Variants in ZNF469 observed in about 807,000 individuals in gnomAD.
ZNF469 encodes the protein zinc finger protein 469.
Under a neutral mutation model 1.0 loss-of-function variants are expected in ZNF469, and 1 was observed. That is an observed-to-expected ratio of 1.00 (90% confidence interval 0.35 to 4.73). The LOEUF (loss-of-function observed/expected upper bound fraction) is 4.73, where lower values mean the gene tolerates loss of function less well. Ranked by LOEUF, ZNF469 falls within the 30% of genes most tolerant of loss-of-function variation. ZNF469 has a pLI of 0.16. For missense variants in ZNF469, 6,100 were observed against 5,356.3 expected, an observed-to-expected ratio of 1.14 and a Z score of -4.33; for synonymous variants, 2,703 against 2,363.4, an observed-to-expected ratio of 1.14 and a Z score of -4.17.
At chr16:88,374,420 G>A in the ZNF469 span, among the ~76,000 whole-genome samples, 2 of 152,188 alleles carry the variant, frequency 1.3e-5, no homozygotes, top group African/African-American at 4.8e-5. Flanking sequence ...AGCTCAGGGT[G>A]GCCTGAGTCG....
At chr16:88,276,622 G>T in the ZNF469 span, 9 of 152,218 alleles carry the variant, frequency 5.9e-5, no homozygotes, top group Non-Finnish European at 1.3e-4. Flanking sequence ...TTCGCGTCAC[G>T]TCCTGCCTTT....
chr16:88,312,146 G>A, the ZNF469 span, among the ~76,000 whole-genome samples: 3 of 151,908 alleles, frequency 2.0e-5, no homozygotes, highest in African/African-American at 7.3e-5. Context: ...GACTTCTTCA[G>A]TACCATGAGA....
the ZNF469 span, among the ~76,000 whole-genome samples, chr16:88,112,778 T>A: frequency 7.6e-6 from 1 of 132,352 alleles, no homozygotes; most frequent in African/African-American, 3.0e-5. Flanking sequence ...GAAGCTTTTT[T>A]TTTTTTTTTT....
chr16:88,271,828 G>A, the ZNF469 span, among the ~76,000 whole-genome samples: 1,053 of 132,020 alleles, frequency 8.0e-3, 9 homozygotes, highest in African/African-American at 0.025. Context: ...GATGGATGGT[G>A]GGTGGTTGGG....
At chr16:88,406,112 G>A (rs1470948156) in intron 1 of ZNF469, among the ~76,000 whole-genome samples, 1 of 152,230 alleles carries the variant, frequency 6.6e-6, no homozygotes, top group African/African-American at 2.4e-5. Context: ...GCCACCACGA[G>A]CCACCGTGTC....
At chr16:88,173,740 A>G in the ZNF469 span, among the ~76,000 whole-genome samples, 1 of 152,202 alleles carries the variant, frequency 6.6e-6, no homozygotes, top group Non-Finnish European at 1.5e-5. Flanking sequence ...TGATTCCTAC[A>G]CTCTATGTGA....
the ZNF469 span, among the ~76,000 whole-genome samples, chr16:88,109,842 C>T: frequency 3.9e-5 from 6 of 152,266 alleles, no homozygotes; most frequent in East Asian, 3.9e-4. Context: ...TCTGTGTCCA[C>T]GCTGTCTCCT....
the ZNF469 span, among the ~76,000 whole-genome samples, chr16:88,323,004 C>A: frequency 6.6e-6 from 1 of 152,222 alleles, no homozygotes; most frequent in African/African-American, 2.4e-5. Context: ...ACTCATGCCA[C>A]CCAGCCACGG....
At chr16:88,221,937 G>A in the ZNF469 span, among the ~76,000 whole-genome samples, 1 of 152,044 alleles carries the variant, frequency 6.6e-6, no homozygotes, top group Non-Finnish European at 1.5e-5. Flanking sequence ...CAATCTCATC[G>A]CTACATCCTT....
intron 1 of ZNF469, among the ~76,000 whole-genome samples, chr16:88,385,228 C>T (rs1171847325): frequency 6.6e-6 from 1 of 152,108 alleles, no homozygotes; most frequent in Non-Finnish European, 1.5e-5. Context: ...CTCCTTTCTC[C>T]TGGAGTCTTG....
At position 88,438,778 on chromosome 16, in the gene ZNF469, T is replaced by C. The variant is rs1373675155; in HGVS notation, c.11308T>C (p.Phe3770Leu). The change falls in exon 3 of 3, where the codon TTC becomes CTC. Residue 3770 changes from phenylalanine to leucine, a missense_variant. Physicochemically the swap from Phe to Leu is conservative, Grantham distance 22. Transcript: ENST00000565624. The stretch of plus-strand genomic sequence containing the variant: ...AGCCACCACCCCAGCCAAGCCCAGC[T>C]TCCCCAGCCGGAGCCCTGCACCAGA... ...ETATTPAKPSFPSRSPAPERL... is the reference protein window; with the variant it reads ...ETATTPAKPSLPSRSPAPERL... The C allele has an allele frequency of 1.3e-6, 2 of 1,550,036 alleles. No homozygotes were observed. The highest frequency in any genetic ancestry group is 2.4e-5 in the South Asian group (2 of 84,022).
Position 88,436,860 on chromosome 16 carries a change from G to T in ZNF469, c.9390G>T (p.Leu3130=). The change falls in exon 3 of 3, where the codon CTG becomes CTT. Residue 3130 remains leucine, a synonymous_variant. Coordinates refer to ENST00000565624, the MANE Select transcript of ZNF469 (RefSeq NM_001367624.2). ...AGCGCTTCCGCAGCCTGGGCGAGCT[G>T]GACCTGCACAAGCTGGCCCACACGC... is the stretch of plus-strand genomic sequence containing the variant. ...CFQRFRSLGE[L]DLHKLAHTPA... 1 of 1,527,750 alleles carries T rather than the reference G, an allele frequency of 6.5e-7. No homozygotes were observed. 94.6% of individuals were successfully genotyped at this position (1,527,750 alleles called of 1,614,324 possible). A position where few individuals can be genotyped will look rare whatever the true frequency, so the allele number is the denominator to read the frequency against.
chr16:88,406,382 C>T (rs1295332948), intron 1 of ZNF469, among the ~76,000 whole-genome samples: 1 of 152,236 alleles, frequency 6.6e-6, no homozygotes, highest in Non-Finnish European at 1.5e-5. Flanking sequence ...TATCCAAGTG[C>T]CCTGCAGTGC....
At chr16:88,142,171 C>T in the ZNF469 span, among the ~76,000 whole-genome samples, 1 of 152,244 alleles carries the variant, frequency 6.6e-6, no homozygotes, top group African/African-American at 2.4e-5. Flanking sequence ...ACGTTCAGCA[C>T]AGGGAAGCAG....
chr16:88,435,308 G>A lies in ZNF469; in HGVS notation c.7838G>A (p.Arg2613Gln), dbSNP rs370285147. 7.1e-6 allele frequency: 11 copies of A among 1,550,234 alleles called. No homozygotes were observed. Among genetic ancestry groups the A allele is most frequent in the Admixed American group, 2.0e-5 (1 of 50,982 alleles). The change falls in exon 3 of 3, where the codon CGG becomes CAG. Residue 2613 changes from arginine (R) to glutamine (Q), a missense_variant. Arg to Gln is a conservative substitution (Grantham distance 43, BLOSUM62 1). Coordinates refer to ENST00000565624, the MANE Select transcript of ZNF469 (RefSeq NM_001367624.2). ...AAACAGGCAGAAAAAAGAGAAGGCC[G>A]GAGGTGGCGCCGAGAGCCCACCGTG... Reference protein sequence around the residue: ...HPKQAEKREGRRWRREPTVDS... With the variant: ...HPKQAEKREGQRWRREPTVDS...
the ZNF469 span, among the ~76,000 whole-genome samples, chr16:88,267,910 C>T: frequency 3.3e-5 from 5 of 152,124 alleles, no homozygotes; most frequent in African/African-American, 1.2e-4. Flanking sequence ...TTTAACAGCA[C>T]CAGCTGGCTT....
chr16:88,309,736 T>C, the ZNF469 span, among the ~76,000 whole-genome samples: 3 of 149,896 alleles, frequency 2.0e-5, no homozygotes, highest in Admixed American at 6.6e-5. Flanking sequence ...TCAGGACACC[T>C]GGCGGGGGGG....
At position 88,429,479 on chromosome 16, in the gene ZNF469, C is replaced by T. The variant is rs1236874238; in HGVS notation, c.2009C>T (p.Pro670Leu). 2 of 1,550,104 alleles carry T rather than the reference C, an allele frequency of 1.3e-6. No individual in the cohort carries two copies. The highest frequency in any genetic ancestry group is 2.4e-5 in the East Asian group (1 of 40,890). Residue 670 changes from proline to leucine, a missense_variant, in exon 3 of 3, where the codon CCT becomes CTT. Transcript: ENST00000565624. ...CAGCCAGAGCCAGCCAAGGCCTTCC[C>T]TTTTCCCGCAGATGGGCTGGGAGCC... Reference protein sequence around the residue: ...HYQPEPAKAFPFPADGLGAEG... With the variant: ...HYQPEPAKAFLFPADGLGAEG...
the ZNF469 span, among the ~76,000 whole-genome samples, chr16:88,141,197 G>T: frequency 2.0e-5 from 3 of 152,344 alleles, no homozygotes; most frequent in East Asian, 3.9e-4. Context: ...TATAATTCTG[G>T]TGGAGGAAAA....
Sources: gnomAD v4.1 joint callset for allele counts (sites outside exome capture counted in the v4.1 genomes callset) on GRCh38, gnomAD v4.1.1 for gene constraint, MANE v1.5 for transcripts, NCBI Gene and HGNC (gene_info 2026-07-23, HGNC 2026-07-21) for gene names.